Variants in TRAPPC9 observed in about 807,000 individuals in gnomAD.
TRAPPC9 encodes the protein IKK2 binding protein.
TRAPPC9 carries 83 observed loss-of-function variants against 124.0 expected under a neutral mutation model. The observed-to-expected ratio is 0.67, with a 90% CI of 0.56 to 0.80. TRAPPC9 has a LOEUF of 0.80. Among genes scored for constraint, TRAPPC9 ranks in the 30% least tolerant of loss-of-function variants. The pLI, the probability that TRAPPC9 is intolerant of heterozygous loss-of-function variation, is 0.00. For missense variants in TRAPPC9, 1,302 were observed against 1,508.3 expected, an observed-to-expected ratio of 0.86 and a Z score of 2.27; for synonymous variants, 638 against 617.5, an observed-to-expected ratio of 1.03 and a Z score of -0.49.
chr8:140,208,150 C>CAA (rs200326778), intron 17 of TRAPPC9, among the ~76,000 whole-genome samples: 8 of 131,844 alleles, frequency 6.1e-5, no homozygotes, highest in African/African-American at 8.3e-5. Flanking sequence ...AACTCTGTCT[C>CAA]AAAAAAAAAA....
In TRAPPC9 at chr8:139,962,187, T is replaced by C. The variant is rs1412060624; in HGVS notation, c.2810+26539A>G. ...CTTGTTCACCCTTCATATGTCTTTGTACCTCAGTCTTCCTGGATGCAGGAC... is the reference window on the plus strand; with the variant it reads ...CTTGTTCACCCTTCATATGTCTTTGCACCTCAGTCTTCCTGGATGCAGGAC... On this transcript the variant is annotated intron_variant, in intron 19 of 22. Coordinates refer to ENST00000438773, the MANE Select transcript of TRAPPC9 (RefSeq NM_001160372.4). 1.6e-5 allele frequency among the ~76,000 whole-genome samples: 2 copies of C among 124,594 alleles called. 1 individual carries two copies. Among genetic ancestry groups the C allele is most frequent in the African/African-American group, 5.1e-5 (2 of 39,270 alleles). The allele number at this position is 124,594 out of a possible 152,430, so 81.7% of individuals were successfully genotyped here. A position where few individuals can be genotyped will look rare whatever the true frequency, so the allele number is the denominator to read the frequency against.
At chr8:140,427,362 A>C (rs56740788) in intron 4 of TRAPPC9, among the ~76,000 whole-genome samples, 26,353 of 150,552 alleles carry the variant, frequency 0.18, 3,270 homozygotes, top group East Asian at 0.55. Context: ...ACATCTCTCT[A>C]TATATATATC....
intron 21 of TRAPPC9, among the ~76,000 whole-genome samples, chr8:139,758,922 T>G (rs1563792230): frequency 6.6e-6 from 1 of 152,184 alleles, no homozygotes; most frequent in Non-Finnish European, 1.5e-5. Context: ...CAAGCACCTG[T>G]GGAGCCAGGT....
intron 18 of TRAPPC9, among the ~76,000 whole-genome samples, chr8:140,009,385 T>C (rs977319885): frequency 1.3e-5 from 2 of 152,230 alleles, no homozygotes; most frequent in African/African-American, 4.8e-5. Context: ...ACCAATCATG[T>C]ATATGATTTA....
chr8:140,175,908 TAC>T (rs1308966389), intron 17 of TRAPPC9, among the ~76,000 whole-genome samples: 3 of 152,380 alleles, frequency 2.0e-5, no homozygotes, highest in African/African-American at 7.2e-5. Context: ...CTACTGAACA[TAC>T]ACTTATTCGG....
chr8:140,089,673 C>T (rs13279641), intron 17 of TRAPPC9, among the ~76,000 whole-genome samples: 3 of 152,144 alleles, frequency 2.0e-5, no homozygotes, highest in Admixed American at 2.0e-4. Context: ...ATGAGAACCT[C>T]GCCTTCTTTA....
intron 15 of TRAPPC9, among the ~76,000 whole-genome samples, chr8:140,255,429 G>C (rs2064228800): frequency 6.6e-6 from 1 of 152,192 alleles, no homozygotes; most frequent in Non-Finnish European, 1.5e-5. Context: ...ACCTTGGATG[G>C]TGTTCAGATG....
intron 21 of TRAPPC9, among the ~76,000 whole-genome samples, chr8:139,743,967 T>C (rs937870896): frequency 2.0e-5 from 3 of 152,202 alleles, no homozygotes; most frequent in Non-Finnish European, 4.4e-5. Flanking sequence ...TAAAGCACCA[T>C]GTTGGCCTTC....
At chr8:139,745,423 G>T (rs929970024) in intron 21 of TRAPPC9, among the ~76,000 whole-genome samples, 2 of 152,266 alleles carry the variant, frequency 1.3e-5, no homozygotes, top group Non-Finnish European at 2.9e-5. Context: ...CTGGTGCCTG[G>T]CTCCCACACC....
At chr8:140,359,512 G>C (rs910307060) in intron 9 of TRAPPC9, among the ~76,000 whole-genome samples, 3 of 152,164 alleles carry the variant, frequency 2.0e-5, no homozygotes, top group African/African-American at 7.2e-5. Context: ...GGCCCCATGA[G>C]AGCCAACACA....
At chr8:140,242,990 G>C (rs553525240) in intron 16 of TRAPPC9, among the ~76,000 whole-genome samples, 19 of 152,304 alleles carry the variant, frequency 1.2e-4, no homozygotes, top group African/African-American at 4.3e-4. Flanking sequence ...GAAACCCATG[G>C]TTTAGAAGAG....
chr8:139,949,245 T>C (rs913672611), intron 19 of TRAPPC9, among the ~76,000 whole-genome samples: 5 of 152,102 alleles, frequency 3.3e-5, no homozygotes, highest in Admixed American at 3.3e-4. Context: ...TTATGAATAA[T>C]TTTTTGCCAA....
At chr8:139,744,969 G>A (rs1215241960) in intron 21 of TRAPPC9, among the ~76,000 whole-genome samples, 1 of 152,234 alleles carries the variant, frequency 6.6e-6, no homozygotes, top group Admixed American at 6.5e-5. Context: ...CCTCCATCCA[G>A]GGATGCCAGG....
chr8:140,398,881 C>G (rs1049207966), intron 6 of TRAPPC9, among the ~76,000 whole-genome samples: 1 of 152,262 alleles, frequency 6.6e-6, no homozygotes, highest in Non-Finnish European at 1.5e-5. Flanking sequence ...AGCAGTCCCT[C>G]CCATCACAGG....
chr8:140,439,000 A>T, intron 3 of TRAPPC9, 52 bp downstream of exon 3: 2 of 1,612,634 alleles, frequency 1.2e-6, no homozygotes, highest in East Asian at 2.2e-5. Context: ...TCTCATTTTA[A>T]TTAACAGTTG....
intron 17 of TRAPPC9, among the ~76,000 whole-genome samples, chr8:140,146,473 G>A (rs1182401188): frequency 6.6e-6 from 1 of 152,170 alleles, no homozygotes; most frequent in East Asian, 1.9e-4. Context: ...GCTGGGTGTG[G>A]GGAGGGTGGT....
In TRAPPC9 at chr8:139,984,650, T is replaced by C. The variant is rs1302499358; in HGVS notation, c.2810+4076A>G. Among the ~76,000 whole-genome samples the C allele has an allele frequency of 6.6e-6, 1 of 152,142 alleles. No individual in the cohort carries two copies. ...TAGAGCCATTTCCACTTCCTCCACCTGCACTGCTCTGCACAACCCCTCCAC... is the reference window on the plus strand; with the variant it reads ...TAGAGCCATTTCCACTTCCTCCACCCGCACTGCTCTGCACAACCCCTCCAC... On this transcript the variant is annotated intron_variant, in intron 19 of 22. Coordinates refer to ENST00000438773, the MANE Select transcript of TRAPPC9 (RefSeq NM_001160372.4). The surrounding 1 kb of genome is among the most constrained non-coding windows in gnomAD (Gnocchi z 4.3).
intron 7 of TRAPPC9, among the ~76,000 whole-genome samples, chr8:140,382,926 C>T (rs535871615): frequency 2.6e-5 from 4 of 152,328 alleles, no homozygotes; most frequent in East Asian, 3.9e-4. Flanking sequence ...TAGGAACAGA[C>T]TGACACCTCA....
intron 14 of TRAPPC9, among the ~76,000 whole-genome samples, chr8:140,280,882 C>T (rs114946703): frequency 1.7e-3 from 265 of 152,356 alleles, no homozygotes; most frequent in African/African-American, 5.9e-3. Flanking sequence ...TGTTTCACAT[C>T]AGAGGACTCA....
Sources: allele counts gnomAD v4.1 joint callset (sites outside exome capture counted in the v4.1 genomes callset), GRCh38; gene constraint gnomAD v4.1.1; non-coding constraint Gnocchi (gnomAD v3.1); transcripts MANE v1.5; gene names NCBI Gene and HGNC (gene_info 2026-07-23, HGNC 2026-07-21).